C4orf36: variants seen among roughly 807,000 people sequenced by gnomAD.
C4orf36 encodes uncharacterized protein C4orf36.
C4orf36 carries 11 observed loss-of-function variants against 12.2 expected under a neutral mutation model. The observed-to-expected ratio is 0.90, with a 90% CI of 0.57 to 1.49. C4orf36 has a LOEUF of 1.49. C4orf36 is among the 40% of genes most tolerant of loss of function. The pLI, the probability that C4orf36 is intolerant of heterozygous loss-of-function variation, is 0.00. For missense variants in C4orf36, 137 were observed against 133.9 expected (o/e 1.02, Z -0.11); for synonymous variants, 54 against 51.3 (o/e 1.05, Z -0.22).
At chr4:86,917,242 T>G in the C4orf36 span, among the ~76,000 whole-genome samples, 1 of 151,364 alleles carries the variant, frequency 6.6e-6, no homozygotes, top group Non-Finnish European at 1.5e-5. Context: ...ATCATGCCAC[T>G]TCACTGCACC....
At chr4:86,923,950 G>A in the C4orf36 span, among the ~76,000 whole-genome samples, 465 of 152,196 alleles carry the variant, frequency 3.1e-3, no homozygotes, top group African/African-American at 0.01. Flanking sequence ...ATTTAGTTCT[G>A]AGTTGTAATT....
the C4orf36 span, among the ~76,000 whole-genome samples, chr4:86,904,783 T>C: frequency 6.6e-6 from 1 of 152,030 alleles, no homozygotes; most frequent in Non-Finnish European, 1.5e-5. Context: ...AAAAGTACAC[T>C]TGGAGTTCAT....
chr4:86,877,924 G>A (rs1031495468), intron 4 of C4orf36, among the ~76,000 whole-genome samples: 3 of 152,168 alleles, frequency 2.0e-5, no homozygotes, highest in Admixed American at 6.5e-5. Context: ...TAACCCAATG[G>A]TGGGAACTGG....
At chr4:86,905,124 G>A in the C4orf36 span, among the ~76,000 whole-genome samples, 1 of 151,708 alleles carries the variant, frequency 6.6e-6, no homozygotes, top group African/African-American at 2.4e-5. Flanking sequence ...TGCAATCCCA[G>A]CACTTTGGGA....
the C4orf36 span, chr4:86,914,737 G>A: frequency 3.1e-5 from 13 of 426,100 alleles, no homozygotes; most frequent in East Asian, 9.6e-4. Context: ...GTGATTATTG[G>A]AACTGAGGGC....
chr4:86,932,953 T>C, the C4orf36 span, among the ~76,000 whole-genome samples: 36 of 152,284 alleles, frequency 2.4e-4, no homozygotes, highest in East Asian at 6.0e-3. Context: ...TGGAGGAAAG[T>C]GTAGCTAACA....
chr4:86,914,759 G>C, the C4orf36 span: 4 of 441,880 alleles, frequency 9.1e-6, no homozygotes, highest in Non-Finnish European at 1.8e-5. Flanking sequence ...ATCTGGGTAT[G>C]ATCCCTGTTC....
the C4orf36 span, among the ~76,000 whole-genome samples, chr4:86,927,691 T>A: frequency 2.0e-5 from 3 of 151,788 alleles, no homozygotes; most frequent in African/African-American, 4.8e-5. Context: ...TCCCAGCTAC[T>A]CAGGAGGCTG....
chr4:86,887,720 A>T, intron 4 of C4orf36, 38 bp downstream of exon 4: 1 of 1,612,984 alleles, frequency 6.2e-7, no homozygotes, highest in South Asian at 1.1e-5. Flanking sequence ...TGCCCTTTGG[A>T]TGCAAGACAC....
Position 86,888,135 on chromosome 4 carries a change from A to G in C4orf36, c.206T>C (p.Leu69Pro). The change falls in exon 3 of 5, where the codon CTC becomes CCC. Residue 69 changes from leucine to proline, a missense_variant. Transcript: ENST00000295898. ...TKCTTIKDGLLPSAESIKLER... is the reference protein window; with the variant it reads ...TKCTTIKDGLPPSAESIKLER... ...AAGGAACTTACATTCTGCAGAAGGGAGCAGTCCATCTTTAATGGTGGTACA... is the reference window on the plus strand; with the variant it reads ...AAGGAACTTACATTCTGCAGAAGGGGGCAGTCCATCTTTAATGGTGGTACA... The G allele has an allele frequency of 6.2e-7, 1 of 1,613,490 alleles. No individual in the cohort carries two copies. The highest frequency in any genetic ancestry group is 1.1e-5 in the South Asian group (1 of 90,812).
chr4:86,917,530 GAA>G, the C4orf36 span, among the ~76,000 whole-genome samples: 1 of 142,868 alleles, frequency 7.0e-6, no homozygotes. Flanking sequence ...AAAAGAGAGA[GAA>G]AGAGAAAGAA....
At chr4:86,934,076 G>T in the C4orf36 span, among the ~76,000 whole-genome samples, 1 of 152,188 alleles carries the variant, frequency 6.6e-6, no homozygotes, top group Admixed American at 6.5e-5. Flanking sequence ...GCAGGGAGGG[G>T]CTTATTTTCA....
At chr4:86,911,348 T>C in the C4orf36 span, among the ~76,000 whole-genome samples, 1 of 152,138 alleles carries the variant, frequency 6.6e-6, no homozygotes, top group African/African-American at 2.4e-5. Flanking sequence ...TTGGCATAAT[T>C]CCTCTCATCC....
At chr4:86,918,810 CGTGT>C in the C4orf36 span, among the ~76,000 whole-genome samples, 106,952 of 150,000 alleles carry the variant, frequency 0.71, 39,091 homozygotes, top group Non-Finnish European at 0.79. Context: ...GTTGTGTGTG[CGTGT>C]GTGTGTGTGT....
chr4:86,876,694 C>T (rs1015839025), intron 4 of C4orf36: 1 of 1,605,772 alleles, frequency 6.2e-7, no homozygotes, highest in Non-Finnish European at 8.5e-7. Context: ...TATGGTGAAG[C>T]TATGGGTGAT....
chr4:86,906,691 G>A, the C4orf36 span, among the ~76,000 whole-genome samples: 3 of 129,458 alleles, frequency 2.3e-5, no homozygotes, highest in African/African-American at 8.9e-5. Flanking sequence ...AGATCGCATC[G>A]CTACACTCCA....
intron 2 of C4orf36, among the ~76,000 whole-genome samples, chr4:86,888,926 T>C (rs1747284553): frequency 6.6e-6 from 1 of 152,216 alleles, no homozygotes. Context: ...ACCTTCCCCA[T>C]CCTTTATCAT....
At chr4:86,896,814 T>C (rs927848271), upstream of C4orf36, among the ~76,000 whole-genome samples, 1 of 152,228 alleles carries the variant, frequency 6.6e-6, no homozygotes, top group Non-Finnish European at 1.5e-5. Context: ...AATTTCAACA[T>C]AACCAAAATG....
At chr4:86,907,089 T>G in the C4orf36 span, among the ~76,000 whole-genome samples, 3 of 152,072 alleles carry the variant, frequency 2.0e-5, no homozygotes, top group African/African-American at 7.2e-5. Context: ...AAGAATCAGC[T>G]TTTTACAAGT....
Sources: gnomAD v4.1 joint callset for allele counts (sites outside exome capture counted in the v4.1 genomes callset) on GRCh38, gnomAD v4.1.1 for gene constraint, MANE v1.5 for transcripts, NCBI Gene and HGNC (gene_info 2026-07-23, HGNC 2026-07-21) for gene names.